TNS1: variants seen among roughly 807,000 people sequenced by gnomAD.
TNS1 encodes the protein tensin-1.
TNS1 carries 62 observed loss-of-function variants against 168.6 expected under a neutral mutation model. That is an observed-to-expected ratio of 0.37 (90% CI 0.30 to 0.45). The LOEUF is 0.45. Among genes scored for constraint, TNS1 ranks in the 20% least tolerant of loss-of-function variants. TNS1 has a pLI of 1.00. For missense variants in TNS1, 2,240 were observed against 2,339.4 expected (o/e 0.96, Z 0.88); for synonymous variants, 934 against 933.2 (o/e 1.00, Z -0.02).
chr2:217,826,824 G>A (rs917553386), intron 22 of TNS1, among the ~76,000 whole-genome samples: 1 of 152,210 alleles, frequency 6.6e-6, no homozygotes, highest in Non-Finnish European at 1.5e-5. Context: ...AGCAGCTGCA[G>A]CACAGGGTGA....
chr2:217,957,965 A>C (rs1957406006), intron 3 of TNS1, among the ~76,000 whole-genome samples: 1 of 149,042 alleles, frequency 6.7e-6, no homozygotes, highest in Admixed American at 6.7e-5. Context: ...CATTCTTGGT[A>C]CTTCTGTATA....
intron 1 of TNS1, among the ~76,000 whole-genome samples, chr2:218,021,927 G>A (rs1958809482): frequency 6.6e-6 from 1 of 152,198 alleles, no homozygotes; most frequent in South Asian, 2.1e-4. Context: ...CACCGTGGCT[G>A]AGGCTGAGGA....
In TNS1 at chr2:217,956,171, AG is replaced by A. The variant is rs200291693; in HGVS notation, c.186+22593del. ...TTTTGTTTGTTTGGCTTGGTTAAAA[AG>A]AATTTTTTTTAATAGAAACAGTGTC... On this transcript the variant is annotated intron_variant, in intron 3 of 32. Transcript: ENST00000682258. 3.3e-5 allele frequency among the ~76,000 whole-genome samples: 5 copies of A among 151,750 alleles called. No individual in the cohort carries two copies. The South Asian group carries it at 6.3e-4, about 19-fold the overall frequency.
intron 3 of TNS1, among the ~76,000 whole-genome samples, chr2:217,959,111 C>T (rs1432923806): frequency 6.6e-6 from 1 of 152,198 alleles, no homozygotes; most frequent in African/African-American, 2.4e-5. Context: ...GCCCAGGAGT[C>T]CTGGTTTCAC....
At chr2:218,022,662 G>A (rs369595591) in intron 1 of TNS1, among the ~76,000 whole-genome samples, 23 of 151,954 alleles carry the variant, frequency 1.5e-4, no homozygotes, top group East Asian at 5.8e-4. Context: ...TGGGGGGAGG[G>A]GCAGAGGGGA....
chr2:217,838,497 C>A (rs1456837552), intron 19 of TNS1, among the ~76,000 whole-genome samples: 2 of 152,230 alleles, frequency 1.3e-5, no homozygotes, highest in Non-Finnish European at 2.9e-5. Flanking sequence ...TGACCAGAGG[C>A]AGGGAAATGG....
At chr2:217,884,109 A>G (rs1022442244) in intron 16 of TNS1, among the ~76,000 whole-genome samples, 2 of 105,870 alleles carry the variant, frequency 1.9e-5, no homozygotes, top group Non-Finnish European at 3.7e-5. Flanking sequence ...ACACATACAG[A>G]CACACAAGTG....
intron 18 of TNS1, among the ~76,000 whole-genome samples, chr2:217,852,469 A>G (rs1302659568): frequency 1.3e-5 from 2 of 152,342 alleles, no homozygotes; most frequent in East Asian, 3.9e-4. Flanking sequence ...GCTGCAAAGC[A>G]AAGGCTGGTG....
chr2:217,845,990 C>T (rs1946594601), intron 19 of TNS1, among the ~76,000 whole-genome samples: 2 of 152,122 alleles, frequency 1.3e-5, no homozygotes, highest in Admixed American at 1.3e-4. Flanking sequence ...CAGAAAGCCC[C>T]ATCCCTCTCA....
At position 217,824,350 on chromosome 2, in the gene TNS1, AG is replaced by A. The variant is rs370981233; in HGVS notation, c.3374-2413del. Among the ~76,000 whole-genome samples the A allele has an allele frequency of 2.6e-4, 39 of 152,302 alleles. 1 individual carries two copies. The highest frequency in any genetic ancestry group is 8.4e-4 in the African/African-American group (35 of 41,572). ...CAAGCTGGCTCTGGGTGACCTAGACAGGGCCCATAGGCTCACAGGACACCCA... is the reference window on the plus strand; with the variant it reads ...CAAGCTGGCTCTGGGTGACCTAGACAGGCCCATAGGCTCACAGGACACCCA... On this transcript the variant is annotated intron_variant, in intron 22 of 32. Coordinates refer to ENST00000682258, the MANE Select transcript of TNS1 (RefSeq NM_001387777.1).
Position 217,898,053 on chromosome 2 carries a change from C to T in TNS1, c.372-84G>A, listed in dbSNP as rs1037209651. The T allele has an allele frequency of 2.8e-6, 4 of 1,415,064 alleles. No individual in the cohort carries two copies. The African/African-American group carries it at 5.9e-5, about 21-fold the overall frequency. The allele number at this position is 1,415,064 out of a possible 1,614,324, so 87.7% of individuals were successfully genotyped here. A position where few individuals can be genotyped will look rare whatever the true frequency, so the allele number is the denominator to read the frequency against. On this transcript the variant is annotated intron_variant, in intron 7 of 32. Transcript: ENST00000682258. ...CCAGATAGCTGCACCCCATACACAC[C>T]CTGTGTGACCCCCATATGCAGCCCA...
chr2:217,869,690 G>A (rs565270763), intron 18 of TNS1, among the ~76,000 whole-genome samples: 77 of 152,356 alleles, frequency 5.1e-4, no homozygotes, highest in Non-Finnish European at 8.4e-4. Flanking sequence ...TGCGGGTTTG[G>A]TGTGCTTTAT....
chr2:217,991,053 C>G lies in TNS1; in HGVS notation c.37G>C (p.Glu13Gln). ...TGTGTCTTGGGGGCCTCCAGATCCT[C>G]TGGCTGTGGGAGGAGAGGCACAGAG... Reference protein sequence around the residue: ...WICLSCMLWPEDLEAPKTHRF... With the variant: ...WICLSCMLWPQDLEAPKTHRF... The change falls in exon 2 of 33, where the codon GAG (glutamate) becomes CAG (glutamine). Residue 13 changes from glutamate to glutamine, a missense_variant. This residue lies in a region of TNS1 where 2,131 missense variants were observed against 2,171.2 expected (regional missense o/e 0.98). Coordinates refer to ENST00000682258, the MANE Select transcript of TNS1 (RefSeq NM_001387777.1). 1 of 673,256 alleles carries G rather than the reference C, an allele frequency of 1.5e-6. No individual in the cohort carries two copies. The highest frequency in any genetic ancestry group is 2.7e-6 in the Non-Finnish European group (1 of 364,170). The allele number at this position is 673,256 out of a possible 1,614,324, so 41.7% of individuals were successfully genotyped here. A position where few individuals can be genotyped will look rare whatever the true frequency, so the allele number is the denominator to read the frequency against.
chr2:217,980,233 C>G (rs143324980), intron 2 of TNS1, among the ~76,000 whole-genome samples: 176 of 152,214 alleles, frequency 1.2e-3, no homozygotes, highest in African/African-American at 3.8e-3. Context: ...CAGCCTAGCT[C>G]AGGGACATCT....
At chr2:217,851,312 A>C (rs1019440735) in intron 18 of TNS1, among the ~76,000 whole-genome samples, 5 of 152,130 alleles carry the variant, frequency 3.3e-5, no homozygotes, top group Admixed American at 2.0e-4. Flanking sequence ...CATGGCCAAA[A>C]ACAAGTGATC....
rs1559131974 is a variant in TNS1 at position 217,805,507 on chromosome 2, C to CACACACCA, written c.5376-905_5376-904insTGGTGTGT. Among the ~76,000 whole-genome samples the CACACACCA allele has an allele frequency of 2.9e-3, 88 of 30,672 alleles. 1 individual carries two copies. Among genetic ancestry groups the CACACACCA allele is most frequent in the African/African-American group, 0.013 (80 of 6,108 alleles). 20.1% of individuals were successfully genotyped at this position (30,672 alleles called of 152,430 possible). On this transcript the variant is annotated intron_variant, in intron 32 of 32. Coordinates refer to ENST00000682258, the MANE Select transcript of TNS1 (RefSeq NM_001387777.1). Reference sequence around the variant, plus strand: ...CACCACACACACACCACACACACCACCACACACACCACACACACCACACAC... The same window carrying CACACACCA: ...CACCACACACACACCACACACACCACACACACCACACACACACCACACACACCACACAC...
upstream of TNS1, among the ~76,000 whole-genome samples, chr2:218,013,775 A>T (rs1434470423): frequency 1.3e-5 from 2 of 152,054 alleles, no homozygotes; most frequent in Non-Finnish European, 2.9e-5. Context: ...CAGGAGTTGG[A>T]GGAGGAGGAA....
intron 1 of TNS1, among the ~76,000 whole-genome samples, chr2:218,022,107 G>A (rs1029142885): frequency 2.6e-5 from 4 of 152,184 alleles, no homozygotes; most frequent in African/African-American, 7.2e-5. Context: ...CAGGAAGGCA[G>A]GTGGCCTGGT....
chr2:217,849,806 G>A (rs959194429), intron 18 of TNS1: 13 of 985,302 alleles, frequency 1.3e-5, no homozygotes, highest in South Asian at 9.4e-5. Context: ...CTTTGCCCAC[G>A]GAAGCAGGGG....
Sources: gnomAD v4.1 joint callset for allele counts (sites outside exome capture counted in the v4.1 genomes callset) on GRCh38, gnomAD v4.1.1 for gene constraint, gnomAD v4.1.1 regional missense constraint, MANE v1.5 for transcripts, NCBI Gene and HGNC (gene_info 2026-07-23, HGNC 2026-07-21) for gene names.